Variants in ANKRD34C observed in about 807,000 individuals in gnomAD.
ANKRD34C encodes ankyrin repeat domain-containing protein 34C.
For missense variants in ANKRD34C, 563 were observed against 653.0 expected (o/e 0.86, Z 1.50); for synonymous variants, 260 against 253.6 (o/e 1.03, Z -0.24).
rs942149471 is a variant in ANKRD34C at position 79,298,052 on chromosome 15, T to G, written c.*3160T>G. On this transcript the variant is annotated 3_prime_UTR_variant, in exon 2 of 2. Coordinates refer to ENST00000421388, the MANE Select transcript of ANKRD34C (RefSeq NM_001146341.2). Reference sequence around the variant, plus strand: ...TAAATGGTACCTTGCAAATGTAGGTTGTGTCTGACCTTCTTTCTTTTTGTG... The same window carrying G: ...TAAATGGTACCTTGCAAATGTAGGTGGTGTCTGACCTTCTTTCTTTTTGTG... 6.0e-6 allele frequency: 1 copy of G among 167,066 alleles called. No homozygotes were observed. Among genetic ancestry groups the G allele is most frequent in the Non-Finnish European group, 1.5e-5 (1 of 68,130 alleles). 10.3% of individuals were successfully genotyped at this position (167,066 alleles called of 1,614,324 possible).
At chr15:79,287,457 A>G (rs1165683805) in intron 1 of ANKRD34C, among the ~76,000 whole-genome samples, 1 of 152,234 alleles carries the variant, frequency 6.6e-6, no homozygotes. Flanking sequence ...TAAATTGTAA[A>G]TACTTAGCAG....
In ANKRD34C at chr15:79,294,355, T is replaced by C. The variant is rs745955245; in HGVS notation, c.1071T>C (p.Gly357=). 2.1e-5 allele frequency: 32 copies of C among 1,551,194 alleles called. No homozygotes were observed. The South Asian group carries it at 2.5e-4, about 12-fold the overall frequency. ...TCCCTGTTGACCAAGAGAAATGTGG[T>C]ATGGGTCCATCAGGACCCTCTGCTC... is the stretch of plus-strand genomic sequence containing the variant. ...GTLPVDQEKC[G]MGPSGPSALK... The change falls in exon 2 of 2, where the codon GGT becomes GGC. Residue 357 remains glycine (G), a synonymous_variant. Transcript: ENST00000421388.
chr15:79,289,094 A>G (rs2058653143), intron 1 of ANKRD34C, among the ~76,000 whole-genome samples: 1 of 152,162 alleles, frequency 6.6e-6, no homozygotes, highest in African/African-American at 2.4e-5. Flanking sequence ...TGCTGGGATT[A>G]CAGGCGTGAG....
chr15:79,294,700 G>C lies in ANKRD34C; in HGVS notation c.1416G>C (p.Pro472=). ...CGCCTTTAAATGTGAATCTGAACCC[G>C]CCTATTCCAGATATTAGATCTAGCA... ...FLPPLNVNLN[P]PIPDIRSSSK... is the part of the protein sequence containing the mutation. The change falls in exon 2 of 2, where the codon CCG becomes CCC. Residue 472 remains proline (P), a synonymous_variant. Coordinates refer to ENST00000421388, the MANE Select transcript of ANKRD34C (RefSeq NM_001146341.2). The C allele has an allele frequency of 6.4e-7, 1 of 1,551,686 alleles. No homozygotes were observed. Among genetic ancestry groups the C allele is most frequent in the Non-Finnish European group, 8.7e-7 (1 of 1,146,994 alleles).
chr15:79,286,596 A>G (rs1178022537), intron 1 of ANKRD34C, among the ~76,000 whole-genome samples: 1 of 152,126 alleles, frequency 6.6e-6, no homozygotes, highest in African/African-American at 2.4e-5. Flanking sequence ...ACTTTCATCA[A>G]ATGGACCACT....
chr15:79,293,885 C>G lies in ANKRD34C; in HGVS notation c.601C>G (p.Pro201Ala). Residue 201 changes from proline (P) to alanine (A), a missense_variant, in exon 2 of 2, where the codon CCA becomes GCA. Transcript: ENST00000421388. ...GCTGAAGGCTCTAGGCCTGGACTCT[C>G]CACTCACTGAGAAGGAAGATGACTT... ...IELKALGLDSPLTEKEDDFFS... is the reference protein window; with the variant it reads ...IELKALGLDSALTEKEDDFFS... 1.3e-6 allele frequency: 2 copies of G among 1,551,712 alleles called. No individual in the cohort carries two copies. The highest frequency in any genetic ancestry group is 1.7e-4 in the Middle Eastern group (1 of 5,992).
intron 1 of ANKRD34C, among the ~76,000 whole-genome samples, chr15:79,286,348 G>A (rs2058645080): frequency 6.6e-6 from 1 of 152,068 alleles, no homozygotes; most frequent in African/African-American, 2.4e-5. Context: ...CCACTTTATG[G>A]TTGCTAATTT....
rs150865856 is a variant in ANKRD34C, at chr15:79,291,534, A to T, written c.-44-1707A>T. ...AGGAATAAAAATAATTAAAATTGAC[A>T]GAAAGAGAGGAGAGAAAGACCATTC... On this transcript the variant is annotated intron_variant, in intron 1 of 1. Transcript: ENST00000421388. 5.2e-3 allele frequency among the ~76,000 whole-genome samples: 782 copies of T among 151,012 alleles called. 8 individuals are homozygous for T. The highest frequency in any genetic ancestry group is 0.018 in the African/African-American group (744 of 41,112).
chr15:79,293,914 C>T lies in ANKRD34C; in HGVS notation c.630C>T (p.Phe210=), dbSNP rs2058665804. Residue 210 remains phenylalanine, a synonymous_variant, in exon 2 of 2, where the codon TTC becomes TTT. Coordinates refer to ENST00000421388, the MANE Select transcript of ANKRD34C (RefSeq NM_001146341.2). ...TCACTGAGAAGGAAGATGACTTCTT[C>T]AGCCTCCAAGCAGGGCATCCAAGCA... The part of the protein sequence containing the change: ...SPLTEKEDDF[F]SLQAGHPSSC... 1.3e-6 allele frequency: 2 copies of T among 1,551,536 alleles called. No homozygotes were observed. The highest frequency in any genetic ancestry group is 1.4e-5 in the African/African-American group (1 of 73,050).
chr15:79,284,864 T>A lies in ANKRD34C; in HGVS notation c.-45+1636T>A, dbSNP rs77650216. 2.5e-3 allele frequency among the ~76,000 whole-genome samples: 381 copies of A among 152,346 alleles called. 2 individuals are homozygous for A. Among genetic ancestry groups the A allele is most frequent in the African/African-American group, 8.2e-3 (343 of 41,578 alleles). On this transcript the variant is annotated intron_variant, in intron 1 of 1. Transcript: ENST00000421388. ...GATCTCCCGCCTCTCTAGCTTATAA[T>A]CCTTCCACATGGACTGGCACATCCT...
rs116221767 is a variant in ANKRD34C at position 79,287,964 on chromosome 15, G to A, written c.-45+4736G>A. 5.2e-3 allele frequency among the ~76,000 whole-genome samples: 793 copies of A among 152,264 alleles called. 10 individuals carry two copies. The highest frequency in any genetic ancestry group is 0.018 in the African/African-American group (758 of 41,542). On this transcript the variant is annotated intron_variant, in intron 1 of 1. Transcript: ENST00000421388. ...TTGAGTCAGCCCTGCACATGGGGCC[G>A]GTCAAATAATATAAACCATCAGCCT... is the stretch of plus-strand genomic sequence containing the variant.
chr15:79,294,779 C>A lies in ANKRD34C; in HGVS notation c.1495C>A (p.Pro499Thr). Residue 499 changes from proline to threonine, a missense_variant, in exon 2 of 2, where the codon CCA becomes ACA. Pro to Thr is a conservative substitution (Grantham distance 38, BLOSUM62 -1). Coordinates refer to ENST00000421388, the MANE Select transcript of ANKRD34C (RefSeq NM_001146341.2). ...SGLKSMVPVA[P>T]SSPKRVDLRS... Reference sequence around the variant, plus strand: ...CTTAAAATCTATGGTTCCTGTTGCTCCAAGTTCACCAAAGAGAGTTGACTT... The same window carrying A: ...CTTAAAATCTATGGTTCCTGTTGCTACAAGTTCACCAAAGAGAGTTGACTT... 6.4e-7 allele frequency: 1 copy of A among 1,551,686 alleles called. No homozygotes were observed. Among genetic ancestry groups the A allele is most frequent in the South Asian group, 1.2e-5 (1 of 84,042 alleles).
chr15:79,286,223 G>A (rs1297465610), intron 1 of ANKRD34C, among the ~76,000 whole-genome samples: 1 of 151,494 alleles, frequency 6.6e-6, no homozygotes, highest in Non-Finnish European at 1.5e-5. Flanking sequence ...TGATGGTGGG[G>A]GTGGAGTGGG....
rs1180789413 is a variant in ANKRD34C at position 79,296,857 on chromosome 15, C to G, written c.*1965C>G. On this transcript the variant is annotated 3_prime_UTR_variant, in exon 2 of 2. Transcript: ENST00000421388. Reference sequence around the variant, plus strand: ...CGTTGATCTCTACTGCTAGACCTATCGTATATGTCAAGAACAACAAAGCTG... The same window carrying G: ...CGTTGATCTCTACTGCTAGACCTATGGTATATGTCAAGAACAACAAAGCTG... The G allele has an allele frequency of 1.2e-5, 2 of 167,068 alleles. No individual in the cohort carries two copies. Among genetic ancestry groups the G allele is most frequent in the South Asian group, 2.1e-4 (1 of 4,824 alleles). The allele number at this position is 167,068 out of a possible 1,614,324, so 10.3% of individuals were successfully genotyped here. A position where few individuals can be genotyped will look rare whatever the true frequency, so the allele number is the denominator to read the frequency against.
intron 1 of ANKRD34C, among the ~76,000 whole-genome samples, chr15:79,287,578 G>C (rs1410655035): frequency 6.6e-6 from 1 of 152,200 alleles, no homozygotes; most frequent in Non-Finnish European, 1.5e-5. Context: ...ATATATGTTT[G>C]ATCATGAATG....
rs2058673373 is a variant in ANKRD34C, at chr15:79,296,800, C to T, written c.*1908C>T. The T allele has an allele frequency of 6.0e-6, 1 of 167,114 alleles. No homozygotes were observed. Among genetic ancestry groups the T allele is most frequent in the African/African-American group, 2.4e-5 (1 of 41,440 alleles). The allele number at this position is 167,114 out of a possible 1,614,324, so 10.4% of individuals were successfully genotyped here. ...TGTGACAACCAAAAATGTCTCTAGACGTGGCCAGATGTCTCCTGGGTGCAT... is the reference window on the plus strand; with the variant it reads ...TGTGACAACCAAAAATGTCTCTAGATGTGGCCAGATGTCTCCTGGGTGCAT... On this transcript the variant is annotated 3_prime_UTR_variant, in exon 2 of 2. Transcript: ENST00000421388.
Position 79,295,202 on chromosome 15 carries a change from A to G in ANKRD34C, c.*310A>G, listed in dbSNP as rs2058669364. ...CAGTAGTTTTCTATCAGACAAACAG[A>G]AAAGAATTTAAATCAGGAGGTAGTA... On this transcript the variant is annotated 3_prime_UTR_variant, in exon 2 of 2. Coordinates refer to ENST00000421388, the MANE Select transcript of ANKRD34C (RefSeq NM_001146341.2). 3 of 277,278 alleles carry G rather than the reference A, an allele frequency of 1.1e-5. No homozygotes were observed. Among genetic ancestry groups the G allele is most frequent in the Non-Finnish European group, 2.1e-5 (3 of 139,702 alleles). 17.2% of individuals were successfully genotyped at this position (277,278 alleles called of 1,614,324 possible). A position where few individuals can be genotyped will look rare whatever the true frequency, so the allele number is the denominator to read the frequency against.
intron 1 of ANKRD34C, among the ~76,000 whole-genome samples, chr15:79,290,481 A>G (rs1367121786): frequency 1.3e-5 from 2 of 152,044 alleles, no homozygotes; most frequent in African/African-American, 2.4e-5. Flanking sequence ...TCTCTAATGC[A>G]ATTGCAATCC....
At position 79,294,948 on chromosome 15, in the gene ANKRD34C, A is replaced by T; in HGVS notation, c.*56A>T. 2.8e-6 allele frequency: 4 copies of T among 1,444,826 alleles called. No homozygotes were observed. The highest frequency in any genetic ancestry group is 3.7e-6 in the Non-Finnish European group (4 of 1,091,762). 89.5% of individuals were successfully genotyped at this position (1,444,826 alleles called of 1,614,324 possible). A position where few individuals can be genotyped will look rare whatever the true frequency, so the allele number is the denominator to read the frequency against. ...TAGTTTATGGAAGGGACTATGGATG[A>T]GACTGCTTCCTGATCATTCCTTAAT... On this transcript the variant is annotated 3_prime_UTR_variant, in exon 2 of 2. Transcript: ENST00000421388.
Sources: gnomAD v4.1 joint callset for allele counts (sites outside exome capture counted in the v4.1 genomes callset) on GRCh38, gnomAD v4.1.1 for gene constraint, MANE v1.5 for transcripts, NCBI Gene and HGNC (gene_info 2026-07-23, HGNC 2026-07-21) for gene names.